Variants in ZNF385D observed in about 807,000 individuals in gnomAD.
ZNF385D encodes zinc finger protein 659.
In ZNF385D, 15 loss-of-function variants were observed where a neutral mutation model predicts 35.8. The observed-to-expected ratio is 0.42, with a 90% CI of 0.28 to 0.64. The LOEUF (loss-of-function observed/expected upper bound fraction) is 0.64, where lower values mean the gene tolerates loss of function less well. Among genes scored for constraint, ZNF385D ranks in the 30% least tolerant of loss-of-function variants. The pLI is 0.23. For missense variants in ZNF385D, 474 were observed against 494.6 expected (o/e 0.96, Z 0.39); for synonymous variants, 212 against 186.8 (o/e 1.13, Z -1.10).
intron 1 of ZNF385D, among the ~76,000 whole-genome samples, chr3:21,722,364 G>A (rs762133058): frequency 4.6e-5 from 7 of 152,060 alleles, no homozygotes; most frequent in South Asian, 2.1e-4. Context: ...TTCCTCTCTC[G>A]TCCTCTCCCC....
At chr3:22,123,962 CTATATATATATATA>C (rs71044974) in intron 3 of ZNF385D, among the ~76,000 whole-genome samples, 9 of 61,848 alleles carry the variant, frequency 1.5e-4, no homozygotes, top group African/African-American at 4.8e-4. Context: ...CTCTCTCTCT[CTATATATATATATA>C]TATATATATA....
intron 3 of ZNF385D, among the ~76,000 whole-genome samples, chr3:21,534,848 C>A (rs796705502): frequency 2.8e-4 from 43 of 152,146 alleles, no homozygotes; most frequent in African/African-American, 9.9e-4. Flanking sequence ...TGTTTGTTTT[C>A]TTTTGAGCAA....
At chr3:21,440,464 C>T (rs1447056428) in intron 4 of ZNF385D, among the ~76,000 whole-genome samples, 2 of 152,096 alleles carry the variant, frequency 1.3e-5, no homozygotes, top group African/African-American at 4.8e-5. Flanking sequence ...GCAGAACTAT[C>T]ACAGTCTAGA....
chr3:22,095,815 T>A lies in ZNF385D; in HGVS notation c.325+73002A>T, dbSNP rs534170831. Among the ~76,000 whole-genome samples, 38 of 146,740 alleles carry A rather than the reference T, an allele frequency of 2.6e-4. 1 individual carries two copies. In the South Asian group the frequency reaches 8.0e-3, roughly 31 times the overall value. On this transcript the variant is annotated intron_variant, in intron 3 of 5. Transcript: ENST00000494108. ...TTTAATTCACTATAAATCAATTTTT[T>A]AAAATTAATTATAAAAATATTAAGC...
chr3:21,538,862 C>CCAAT lies in ZNF385D; in HGVS notation c.276+25708_276+25711dup, dbSNP rs550063087. Among the ~76,000 whole-genome samples, 498 of 152,156 alleles carry CCAAT rather than the reference C, an allele frequency of 3.3e-3. 1 individual carries two copies. Among genetic ancestry groups the CCAAT allele is most frequent in the Non-Finnish European group, 5.5e-3 (377 of 67,988 alleles). The stretch of plus-strand genomic sequence containing the variant: ...ATAAGTACATAAATACATTTTTCAG[C>CCAAT]CAATCTGAGTGTTTTATAAATATAC... On this transcript the variant is annotated intron_variant, in intron 3 of 7. Transcript: ENST00000281523.
At chr3:21,794,163 T>G (rs17009600) in intron 3 of ZNF385D, among the ~76,000 whole-genome samples, 1 of 152,058 alleles carries the variant, frequency 6.6e-6, no homozygotes, top group Non-Finnish European at 1.5e-5. Flanking sequence ...GGAAGGCACC[T>G]GATCTCTACC....
At position 21,747,352 on chromosome 3, in the gene ZNF385D, G is replaced by A. The variant is rs555961721; in HGVS notation, c.22+3543C>T. 2.0e-5 allele frequency among the ~76,000 whole-genome samples: 3 copies of A among 152,086 alleles called. No individual in the cohort carries two copies. In the South Asian group the frequency reaches 6.2e-4, roughly 32 times the overall value. On this transcript the variant is annotated intron_variant, in intron 1 of 7. Coordinates refer to ENST00000281523, the MANE Select transcript of ZNF385D (RefSeq NM_024697.3). ...ATTTTTTTTAGGAGTATTCTCATGG[G>A]GGCAAGCCCCAGATCCTTCTTGGCT...
chr3:21,877,290 G>C (rs903843832), intron 3 of ZNF385D, among the ~76,000 whole-genome samples: 1 of 151,934 alleles, frequency 6.6e-6, no homozygotes, highest in Non-Finnish European at 1.5e-5. Flanking sequence ...CCCAAACATC[G>C]ATTACAGCCT....
chr3:22,018,872 T>C (rs1474953797), intron 3 of ZNF385D, among the ~76,000 whole-genome samples: 2 of 151,882 alleles, frequency 1.3e-5, no homozygotes, highest in African/African-American at 2.4e-5. Flanking sequence ...TTTTTGAGTT[T>C]AGATTCCCAA....
intron 1 of ZNF385D, among the ~76,000 whole-genome samples, chr3:21,695,102 T>A (rs999311876): frequency 2.6e-5 from 4 of 151,930 alleles, no homozygotes; most frequent in Non-Finnish European, 4.4e-5. Context: ...AACATAGGAG[T>A]TGTGTATAAA....
chr3:21,663,178 C>G (rs1384994246), intron 2 of ZNF385D, among the ~76,000 whole-genome samples: 1 of 151,986 alleles, frequency 6.6e-6, no homozygotes, highest in African/African-American at 2.4e-5. Context: ...GACTATCATA[C>G]CTTTTATTTT....
chr3:21,464,833 C>G (rs1356615586), intron 4 of ZNF385D, among the ~76,000 whole-genome samples: 1 of 151,318 alleles, frequency 6.6e-6, no homozygotes, highest in Non-Finnish European at 1.5e-5. Context: ...GATGCGTAGC[C>G]TATTAAATAT....
chr3:21,973,085 A>G (rs1703368432), intron 3 of ZNF385D, among the ~76,000 whole-genome samples: 1 of 151,978 alleles, frequency 6.6e-6, no homozygotes, highest in Admixed American at 6.6e-5. Flanking sequence ...GATTACACTG[A>G]TAATAAAACC....
At chr3:21,912,307 T>TAATAAATTTAGCTTTACTTCATC (rs373973618) in intron 3 of ZNF385D, among the ~76,000 whole-genome samples, 1,869 of 152,136 alleles carry the variant, frequency 0.012, 42 homozygotes, top group African/African-American at 0.043. Context: ...GCAGTAGTTC[T>TAATAAATTTAGCTTTACTTCATC]AATAAATTTA....
intron 5 of ZNF385D, among the ~76,000 whole-genome samples, chr3:21,433,517 T>C (rs1311773388): frequency 6.6e-6 from 1 of 152,168 alleles, no homozygotes; most frequent in Non-Finnish European, 1.5e-5. Context: ...CTTTCTAATA[T>C]CTGGCTCTGA....
At chr3:21,792,084 T>A (rs1240010953) in intron 3 of ZNF385D, among the ~76,000 whole-genome samples, 1 of 152,198 alleles carries the variant, frequency 6.6e-6, no homozygotes, top group East Asian at 1.9e-4. Flanking sequence ...CATTTGAGAA[T>A]CAAAAGATGG....
Position 21,465,513 on chromosome 3 carries a change from C to T in ZNF385D, c.440-28310G>A, listed in dbSNP as rs964111959. On this transcript the variant is annotated intron_variant, in intron 4 of 7. Coordinates refer to ENST00000281523, the MANE Select transcript of ZNF385D (RefSeq NM_024697.3). The surrounding 1 kb of genome is among the most constrained non-coding windows in gnomAD (Gnocchi z 4.2). ...ACCATTTTAAAGTCTAGGAAAATCC[C>T]TAAAAGAATGAATCAGTCAGGAGCG... Among the ~76,000 whole-genome samples the T allele has an allele frequency of 1.3e-5, 2 of 152,148 alleles. No individual in the cohort carries two copies. Among genetic ancestry groups the T allele is most frequent in the Non-Finnish European group, 2.9e-5 (2 of 68,040 alleles).
intron 3 of ZNF385D, among the ~76,000 whole-genome samples, chr3:22,148,665 G>C (rs532511392): frequency 1.3e-5 from 2 of 152,124 alleles, no homozygotes; most frequent in African/African-American, 4.8e-5. Context: ...AGATGGTTTA[G>C]CAAAGTAAGA....
intron 1 of ZNF385D, among the ~76,000 whole-genome samples, chr3:21,741,778 T>C (rs1303767773): frequency 6.6e-6 from 1 of 152,190 alleles, no homozygotes; most frequent in East Asian, 1.9e-4. Context: ...GTTTTCAATA[T>C]GTCCATCCCC....
Sources: allele counts gnomAD v4.1 joint callset (sites outside exome capture counted in the v4.1 genomes callset), GRCh38; gene constraint gnomAD v4.1.1; non-coding constraint Gnocchi (gnomAD v3.1); transcripts MANE v1.5; gene names NCBI Gene and HGNC (gene_info 2026-07-23, HGNC 2026-07-21).